PALMD: variants seen among roughly 807,000 people sequenced by gnomAD.
The protein encoded by PALMD is palmdelphin.
A neutral mutation model predicts 56.2 loss-of-function variants in PALMD; 42 were observed. The observed-to-expected ratio is 0.75, with a 90% CI of 0.58 to 0.97. The LOEUF (loss-of-function observed/expected upper bound fraction) is 0.97. Among genes scored for constraint, PALMD ranks in the 50% least tolerant of loss-of-function variants. PALMD has a pLI of 0.00. For missense variants in PALMD, 660 were observed against 643.8 expected (o/e 1.03, Z -0.27); for synonymous variants, 242 against 222.9 (o/e 1.09, Z -0.76).
Position 99,667,672 on chromosome 1 carries a change from G to C in PALMD, c.157G>C (p.Asp53His). Residue 53 changes from aspartate to histidine, a missense_variant, in exon 3 of 8, where the codon GAT becomes CAT. Transcript: ENST00000263174. The stretch of plus-strand genomic sequence containing the variant: ...GGCCTTGAGGGAGAAATGGCTTCTA[G>C]ATGGAATCAGCAGCGGAAAAGAACA... Reference protein sequence around the residue: ...KKALREKWLLDGISSGKEQEE... With the variant: ...KKALREKWLLHGISSGKEQEE... 1.2e-6 allele frequency: 2 copies of C among 1,613,064 alleles called. No homozygotes were observed. Among genetic ancestry groups the C allele is most frequent in the African/African-American group, 1.3e-5 (1 of 74,986 alleles).
chr1:99,667,796 T>C (rs372674246), intron 3 of PALMD, 30 bp downstream of exon 3: 3 of 1,593,656 alleles, frequency 1.9e-6, no homozygotes, highest in African/African-American at 2.7e-5. Context: ...ACTCCACAAC[T>C]ACCTTTATTT....
chr1:99,669,276 T>C (rs1167490189), intron 3 of PALMD: 1 of 152,226 alleles, frequency 6.6e-6, no homozygotes, highest in Admixed American at 6.5e-5. Context: ...GTTATATAAT[T>C]GAAATGTTTG....
chr1:99,691,960 A>T (rs1409695663), intron 7 of PALMD, among the ~76,000 whole-genome samples: 1 of 152,174 alleles, frequency 6.6e-6, no homozygotes, highest in East Asian at 1.9e-4. Context: ...CTGGAGATTC[A>T]AAAGACAAGA....
At position 99,665,281 on chromosome 1, in the gene PALMD, T is replaced by C. The variant is rs377313930; in HGVS notation, c.127-2361T>C. Among the ~76,000 whole-genome samples, 37 of 152,294 alleles carry C rather than the reference T, an allele frequency of 2.4e-4. 1 individual carries two copies. The highest frequency in any genetic ancestry group is 8.2e-4 in the African/African-American group (34 of 41,576). On this transcript the variant is annotated intron_variant, in intron 2 of 7. Transcript: ENST00000263174. ...ATGTCACATATTTTCATTTAGTTCA[T>C]ATGGCTTTCAATTCTGAATTTCATT...
chr1:99,667,844 C>A, intron 3 of PALMD, 78 bp downstream of exon 3: 3 of 1,245,244 alleles, frequency 2.4e-6, no homozygotes, highest in South Asian at 1.4e-5. Flanking sequence ...ATGCCATTCT[C>A]ACTTTCAGGG....
At chr1:99,691,261 T>A (rs7514151) in intron 7 of PALMD, among the ~76,000 whole-genome samples, 1 of 152,110 alleles carries the variant, frequency 6.6e-6, no homozygotes, top group Non-Finnish European at 1.5e-5. Context: ...AGTGACATTA[T>A]CCACTATAAA....
rs34301993 is a variant in PALMD, at chr1:99,689,495, C to G, written c.1235C>G (p.Pro412Arg). The change falls in exon 7 of 8, where the codon CCG (proline) becomes CGG (arginine). Residue 412 changes from proline to arginine, a missense_variant. Physicochemically the swap from Pro to Arg is moderately radical, Grantham distance 103. Coordinates refer to ENST00000263174, the MANE Select transcript of PALMD (RefSeq NM_017734.5). The stretch of plus-strand genomic sequence containing the variant: ...CCTCCAGACATAAATGATACAGAAC[C>G]GGTGACAATGATTTTCATGGGGTAT... ...SLPPDINDTE[P>R]VTMIFMGYQQ... 698 of 1,613,470 alleles carry G rather than the reference C, an allele frequency of 4.3e-4. No individual in the cohort carries two copies. Among genetic ancestry groups the G allele is most frequent in the Non-Finnish European group, 5.7e-4 (678 of 1,179,834 alleles).
At position 99,694,052 on chromosome 1, in the gene PALMD, A is replaced by C. The variant is rs1293012421; in HGVS notation, c.1646A>C (p.Lys549Thr). 3 of 1,598,068 alleles carry C rather than the reference A, an allele frequency of 1.9e-6. No individual in the cohort carries two copies. The highest frequency in any genetic ancestry group is 2.2e-5 in the South Asian group (2 of 89,958). Reference sequence around the variant, plus strand: ...ATGAGAATGGCAAAGCTGGGAAAAAAGGTGATCTAAGAGTTGTACCACCTA... The same window carrying C: ...ATGAGAATGGCAAAGCTGGGAAAAACGGTGATCTAAGAGTTGTACCACCTA... ...LRMRMAKLGK[K>T]VI The change falls in exon 8 of 8, where the codon AAG (lysine) becomes ACG (threonine). Residue 549 changes from lysine to threonine, a missense_variant. Lys to Thr is a moderately conservative substitution (Grantham distance 78). Transcript: ENST00000263174.
Position 99,689,148 on chromosome 1 carries a change from T to C in PALMD, c.888T>C (p.Ile296=). The C allele has an allele frequency of 6.2e-7, 1 of 1,613,592 alleles. No individual in the cohort carries two copies. The highest frequency in any genetic ancestry group is 1.7e-4 in the Middle Eastern group (1 of 6,060). The change falls in exon 7 of 8, where the codon ATT becomes ATC. Residue 296 remains isoleucine, a synonymous_variant. Transcript: ENST00000263174. ...RIKIKTNGLG[I]GVNESIHNMG... The stretch of plus-strand genomic sequence containing the variant: ...AGATTAAAACTAATGGACTGGGTAT[T>C]GGTGTAAATGAATCCATACACAATA...
intron 2 of PALMD, among the ~76,000 whole-genome samples, chr1:99,664,040 C>T (rs1458002844): frequency 1.3e-5 from 2 of 152,160 alleles, no homozygotes; most frequent in African/African-American, 4.8e-5. Flanking sequence ...ATCTTGTCCA[C>T]ATTCCTTTGC....
chr1:99,687,858 G>A (rs984271435), intron 6 of PALMD, among the ~76,000 whole-genome samples: 1 of 150,652 alleles, frequency 6.6e-6, no homozygotes, highest in Non-Finnish European at 1.5e-5. Flanking sequence ...TGCAGATGAG[G>A]GGTGTTGCAG....
At chr1:99,684,322 A>G (rs1439990673) in intron 3 of PALMD, 1 of 152,126 alleles carries the variant, frequency 6.6e-6, no homozygotes, top group African/African-American at 2.4e-5. Flanking sequence ...TGCAAAACCT[A>G]AAATATTTGG....
rs750972895 is a variant in PALMD at position 99,686,966 on chromosome 1, ATGT to A, written c.400+5_400+7del. ...GGAAAGAGAAGAAAGAGCAGAAGGTATGTTTTTGAATAACTTATTTTATGTTAA... is the reference window on the plus strand; with the variant it reads ...GGAAAGAGAAGAAAGAGCAGAAGGTATTTTGAATAACTTATTTTATGTTAA... On this transcript the variant is annotated splice_donor_5th_base_variant and intron_variant, in intron 5 of 7. Transcript: ENST00000263174. 6.4e-7 allele frequency: 1 copy of A among 1,572,688 alleles called. No homozygotes were observed. Among genetic ancestry groups the A allele is most frequent in the South Asian group, 1.1e-5 (1 of 87,746 alleles).
rs562655565 is a variant in PALMD, at chr1:99,656,398, A to G, written c.46-5921A>G. Among the ~76,000 whole-genome samples the G allele has an allele frequency of 3.9e-5, 6 of 152,284 alleles. No individual in the cohort carries two copies. The South Asian group carries it at 1.2e-3, about 32-fold the overall frequency. On this transcript the variant is annotated intron_variant, in intron 1 of 7. Coordinates refer to ENST00000263174, the MANE Select transcript of PALMD (RefSeq NM_017734.5). ...TTTTCAAAGTTACCATTATTTGCAC[A>G]CCACCAACTCTGCATTGTTGGTAGT...
Position 99,694,386 on chromosome 1 carries a change from G to A in PALMD, c.*324G>A, listed in dbSNP as rs933134519. The A allele has an allele frequency of 5.3e-6, 1 of 189,244 alleles. No individual in the cohort carries two copies. Among genetic ancestry groups the A allele is most frequent in the African/African-American group, 2.4e-5 (1 of 42,464 alleles). The allele number at this position is 189,244 out of a possible 1,614,324, so 11.7% of individuals were successfully genotyped here. ...AGTTATTTAAAATATTCTGAGTATA[G>A]TATATTAACTGGCATTGTAATTTTG... is the stretch of plus-strand genomic sequence containing the variant. On this transcript the variant is annotated 3_prime_UTR_variant, in exon 8 of 8. Transcript: ENST00000263174.
chr1:99,686,367 A>G (rs1488902491), intron 3 of PALMD: 1 of 174,910 alleles, frequency 5.7e-6, no homozygotes, highest in Non-Finnish European at 1.2e-5. Context: ...TATTTTAAAA[A>G]TCTCTTTTAT....
intron 2 of PALMD, among the ~76,000 whole-genome samples, chr1:99,665,570 A>G (rs1338271707): frequency 6.6e-6 from 1 of 152,156 alleles, no homozygotes; most frequent in Non-Finnish European, 1.5e-5. Flanking sequence ...AAAACCAAGA[A>G]TATAGCCCCA....
Position 99,689,225 on chromosome 1 carries a change from C to G in PALMD, c.965C>G (p.Pro322Arg). Residue 322 changes from proline to arginine, a missense_variant, in exon 7 of 8, where the codon CCC becomes CGC. Pro to Arg is a moderately radical substitution (Grantham distance 103). Transcript: ENST00000263174. Reference sequence around the variant, plus strand: ...GGAAACAACTTCAATCACATCAGTCCCATTCCGCCAGTGCCTCATCCCCGA... The same window carrying G: ...GGAAACAACTTCAATCACATCAGTCGCATTCCGCCAGTGCCTCATCCCCGA... ...ERGNNFNHIS[P>R]IPPVPHPRSV... 6.2e-7 allele frequency: 1 copy of G among 1,613,524 alleles called. No homozygotes were observed. The highest frequency in any genetic ancestry group is 8.5e-7 in the Non-Finnish European group (1 of 1,179,804).
chr1:99,663,036 A>G (rs12095121), intron 2 of PALMD, among the ~76,000 whole-genome samples: 1,622 of 152,256 alleles, frequency 0.011, 29 homozygotes, highest in African/African-American at 0.037. Flanking sequence ...GCAAGCAAAT[A>G]ACAAACAGCA....
Sources: allele counts gnomAD v4.1 joint callset (sites outside exome capture counted in the v4.1 genomes callset), GRCh38; gene constraint gnomAD v4.1.1; transcripts MANE v1.5; gene names NCBI Gene and HGNC (gene_info 2026-07-23, HGNC 2026-07-21).